Variants in KCNN2 observed in about 807,000 individuals in gnomAD.
KCNN2 encodes the protein potassium calcium-activated channel subfamily N member 2.
In KCNN2, 24 loss-of-function variants were observed where a neutral mutation model predicts 55.5. The ratio of observed to expected loss-of-function variants is 0.43; its 90% CI spans 0.31 to 0.61. The LOEUF (loss-of-function observed/expected upper bound fraction) is 0.61, where lower values mean the gene tolerates loss of function less well. KCNN2 is among the 20% of genes least tolerant of loss of function. The pLI is 0.08. For synonymous variants in KCNN2, 431 were observed against 336.1 expected, an observed-to-expected ratio of 1.28 and a Z score of -3.09; for missense variants, 754 against 853.6, an observed-to-expected ratio of 0.88 and a Z score of 1.45.
At chr5:114,438,002 C>T (rs1760067455) in intron 3 of KCNN2, among the ~76,000 whole-genome samples, 1 of 151,334 alleles carries the variant, frequency 6.6e-6, no homozygotes, top group East Asian at 2.0e-4. Context: ...CCAGTTAAAA[C>T]ACAAAGCCCC....
At chr5:114,097,842 G>A (rs1751290852) in intron 1 of KCNN2, among the ~76,000 whole-genome samples, 1 of 152,080 alleles carries the variant, frequency 6.6e-6, no homozygotes, top group Non-Finnish European at 1.5e-5. Context: ...TGAATATTCT[G>A]CTAATTTGTC....
chr5:114,349,098 A>C (rs1190490059), intron 2 of KCNN2, among the ~76,000 whole-genome samples: 1 of 152,002 alleles, frequency 6.6e-6, no homozygotes, highest in African/African-American at 2.4e-5. Flanking sequence ...AAGACAACCA[A>C]TTTTGTAACA....
chr5:114,174,778 A>T (rs1398634150), intron 1 of KCNN2, among the ~76,000 whole-genome samples: 4 of 152,182 alleles, frequency 2.6e-5, no homozygotes, highest in Non-Finnish European at 5.9e-5. Flanking sequence ...GGATTAAAAT[A>T]TATTCTATCC....
intron 1 of KCNN2, among the ~76,000 whole-genome samples, chr5:114,139,875 A>T (rs1306097704): frequency 6.6e-6 from 1 of 151,954 alleles, no homozygotes; most frequent in Non-Finnish European, 1.5e-5. Context: ...CCTGCTTTCC[A>T]TCTGCATACC....
At chr5:114,181,040 A>G (rs778061381) in intron 1 of KCNN2, among the ~76,000 whole-genome samples, 3 of 152,206 alleles carry the variant, frequency 2.0e-5, no homozygotes, top group Non-Finnish European at 4.4e-5. Flanking sequence ...ATTAAGAGCT[A>G]CCTTGGCTGT....
rs956328249 is a variant in KCNN2 at position 114,173,630 on chromosome 5, A to G, written c.-270-47850A>G. Among the ~76,000 whole-genome samples the G allele has an allele frequency of 4.6e-5, 7 of 151,962 alleles. No individual in the cohort carries two copies. The South Asian group carries it at 1.0e-3, about 22-fold the overall frequency. On this transcript the variant is annotated intron_variant, in intron 1 of 10. Transcript: ENST00000512097. ...GATTCTTCCAATTCATGAACATAGA[A>G]TATCTTTCCATTTTTTGGTGTCCTC...
At position 114,182,328 on chromosome 5, in the gene KCNN2, C is replaced by T. The variant is rs73779737; in HGVS notation, c.-270-39152C>T. On this transcript the variant is annotated intron_variant, in intron 1 of 10. Coordinates refer to the KCNN2 transcript ENST00000512097. ...AGCCTGAAAATTAGGTAGTGTAAGT[C>T]CTTGAACCTTATCTTTTAAAATGTG... is the stretch of plus-strand genomic sequence containing the variant. Among the ~76,000 whole-genome samples, 750 of 151,854 alleles carry T rather than the reference C, an allele frequency of 4.9e-3. 2 individuals are homozygous for T. Among genetic ancestry groups the T allele is most frequent in the African/African-American group, 0.017 (713 of 41,410 alleles).
At chr5:114,408,765 A>T (rs745361582) in intron 3 of KCNN2, among the ~76,000 whole-genome samples, 1 of 152,174 alleles carries the variant, frequency 6.6e-6, no homozygotes, top group Non-Finnish European at 1.5e-5. Flanking sequence ...TACATGCCAT[A>T]TATTTTCTTT....
rs1278743936 is a variant in KCNN2, at chr5:114,241,819, T to C, written c.-185+20254T>C. Among the ~76,000 whole-genome samples, 10 of 11,654 alleles carry C rather than the reference T, an allele frequency of 8.6e-4. 2 individuals carry two copies. The highest frequency in any genetic ancestry group is 1.6e-3 in the Non-Finnish European group (6 of 3,758). 7.6% of individuals were successfully genotyped at this position (11,654 alleles called of 152,430 possible). On this transcript the variant is annotated intron_variant, in intron 2 of 10. Coordinates refer to the KCNN2 transcript ENST00000512097. ...GTATATATATACGTATATATATATA[T>C]GTGTGTATATATATATATATATATA...
rs149817982 is a variant in KCNN2 at position 114,116,702 on chromosome 5, T to A, written c.-271+60202T>A. Among the ~76,000 whole-genome samples, 22 of 152,304 alleles carry A rather than the reference T, an allele frequency of 1.4e-4. No individual in the cohort carries two copies. The East Asian group carries it at 4.3e-3, about 29-fold the overall frequency. On this transcript the variant is annotated intron_variant, in intron 1 of 10. Transcript: ENST00000512097. ...ATTTAGTAATTTAAACCTTCAGGTG[T>A]CATTTCCTGCAGTTATTTTGATTTG...
chr5:114,242,876 A>C (rs951825065), intron 2 of KCNN2, among the ~76,000 whole-genome samples: 3 of 152,308 alleles, frequency 2.0e-5, no homozygotes, highest in Admixed American at 2.0e-4. Context: ...TAAATTGGCC[A>C]TTCTTTTGGC....
At chr5:114,145,710 A>G (rs1248558074) in intron 1 of KCNN2, among the ~76,000 whole-genome samples, 3 of 152,182 alleles carry the variant, frequency 2.0e-5, no homozygotes, top group Non-Finnish European at 4.4e-5. Flanking sequence ...AGGAGCGTCC[A>G]TCCATATCAT....
intron 2 of KCNN2, among the ~76,000 whole-genome samples, chr5:114,300,124 ATTTTAT>A (rs1220154543): frequency 6.6e-6 from 1 of 151,978 alleles, no homozygotes. Flanking sequence ...ATTCTCTAAT[ATTTTAT>A]TTTTGGGAAA....
chr5:114,370,033 A>G (rs1352558524), intron 2 of KCNN2, among the ~76,000 whole-genome samples: 2 of 152,088 alleles, frequency 1.3e-5, no homozygotes, highest in Non-Finnish European at 2.9e-5. Flanking sequence ...GAGAATTTCT[A>G]CTCATTAAGA....
At chr5:114,233,270 T>G (rs1285752428) in intron 2 of KCNN2, among the ~76,000 whole-genome samples, 1 of 152,154 alleles carries the variant, frequency 6.6e-6, no homozygotes, top group Non-Finnish European at 1.5e-5. Flanking sequence ...TCTTGGATTT[T>G]AAAACTGGTT....
chr5:114,122,293 C>A (rs1278440298), intron 1 of KCNN2, among the ~76,000 whole-genome samples: 1 of 152,054 alleles, frequency 6.6e-6, no homozygotes, highest in East Asian at 1.9e-4. Flanking sequence ...TCCCAGAAGG[C>A]AGTATGAAAG....
chr5:114,214,029 G>A (rs1344948579), intron 1 of KCNN2, among the ~76,000 whole-genome samples: 1 of 151,952 alleles, frequency 6.6e-6, no homozygotes, highest in Non-Finnish European at 1.5e-5. Context: ...AAGAATCCTA[G>A]GAGACAGGTT....
At position 114,364,013 on chromosome 5, in the gene KCNN2, C is replaced by A; in HGVS notation, c.1218+12C>A. ...CCAGGGAAATACAGGTAACTTAGGT[C>A]CTGCTGTTTATGAATGACCCAAAGC... On this transcript the variant is annotated intron_variant, in intron 2 of 7. Transcript: ENST00000673685. The A allele has an allele frequency of 6.3e-7, 1 of 1,598,862 alleles. No homozygotes were observed. Among genetic ancestry groups the A allele is most frequent in the Non-Finnish European group, 8.6e-7 (1 of 1,166,230 alleles).
chr5:114,478,477 C>T (rs542073233), intron 5 of KCNN2, among the ~76,000 whole-genome samples: 266 of 151,904 alleles, frequency 1.8e-3, no homozygotes, highest in African/African-American at 6.2e-3. Flanking sequence ...AACATACTTC[C>T]GGATATCATC....
Sources: gnomAD v4.1 joint callset for allele counts (sites outside exome capture counted in the v4.1 genomes callset) on GRCh38, gnomAD v4.1.1 for gene constraint, MANE v1.5 for transcripts, NCBI Gene and HGNC (gene_info 2026-07-23, HGNC 2026-07-21) for gene names.